The following WDFY2 variants were observed in gnomAD, a reference collection of about 807,000 sequenced individuals.
WDFY2 encodes WD repeat and FYVE domain containing 2.
A neutral mutation model predicts 56.4 loss-of-function variants in WDFY2; 36 were observed. The observed-to-expected ratio is 0.64, with a 90% CI of 0.49 to 0.84. The LOEUF is 0.84. Ranked by LOEUF, WDFY2 falls within the 40% of genes least tolerant of loss-of-function variation. The probability of loss-of-function intolerance (pLI) is 0.00; values close to 1 mark genes in which losing one functional copy is unlikely to be tolerated. For missense variants in WDFY2, 444 were observed against 512.2 expected (o/e 0.87, Z 1.29); for synonymous variants, 176 against 183.7 (o/e 0.96, Z 0.34).
chr13:51,713,169 A>C (rs900212108), intron 4 of WDFY2, among the ~76,000 whole-genome samples: 1 of 152,252 alleles, frequency 6.6e-6, no homozygotes, highest in African/African-American at 2.4e-5. Flanking sequence ...AAAATGATAC[A>C]AGTAAAGAAA....
chr13:51,711,930 A>C (rs570411154), intron 4 of WDFY2, among the ~76,000 whole-genome samples: 3 of 152,202 alleles, frequency 2.0e-5, no homozygotes. Flanking sequence ...CCCAGCCATT[A>C]CATTACTGGT....
rs1474932345 is a variant in WDFY2 at position 51,727,787 on chromosome 13, A to G, written c.595A>G (p.Thr199Ala). The change falls in exon 6 of 12, where the codon ACA (threonine) becomes GCA (alanine). Residue 199 changes from threonine to alanine, a missense_variant. Transcript: ENST00000298125. ...CCTGGTCACAACATTCAGAGGACAC[A>G]CAGGTAGGATTAACAGTAAAATCGT... ...CTLVTTFRGHTGGVTALCWDP... is the reference protein window; with the variant it reads ...CTLVTTFRGHAGGVTALCWDP... 6.2e-7 allele frequency: 1 copy of G among 1,613,896 alleles called. No homozygotes were observed. The highest frequency in any genetic ancestry group is 1.3e-5 in the African/African-American group (1 of 74,936).
intron 3 of WDFY2, among the ~76,000 whole-genome samples, chr13:51,694,523 C>G (rs1220655783): frequency 1.3e-5 from 2 of 152,242 alleles, no homozygotes; most frequent in Non-Finnish European, 2.9e-5. Flanking sequence ...CCAGCCTCTT[C>G]TGGCTTATAG....
At chr13:51,729,875 A>G (rs562691152) in intron 6 of WDFY2, among the ~76,000 whole-genome samples, 1 of 152,328 alleles carries the variant, frequency 6.6e-6, no homozygotes, top group East Asian at 1.9e-4. Context: ...GTGCTGTTCA[A>G]TGACATTAAC....
intron 4 of WDFY2, among the ~76,000 whole-genome samples, chr13:51,717,645 C>T (rs986469218): frequency 2.0e-5 from 3 of 152,040 alleles, no homozygotes; most frequent in Non-Finnish European, 4.4e-5. Context: ...CTTTTTATTC[C>T]ATCACTGATA....
intron 1 of WDFY2, chr13:51,593,852 T>C (rs1040616584): frequency 2.0e-5 from 3 of 152,224 alleles, no homozygotes; most frequent in African/African-American, 7.2e-5. Flanking sequence ...TGCCTTTTCA[T>C]TTTTTGTATA....
At chr13:51,663,022 C>T (rs765192169) in intron 2 of WDFY2, among the ~76,000 whole-genome samples, 16 of 152,120 alleles carry the variant, frequency 1.1e-4, no homozygotes, top group Non-Finnish European at 1.8e-4. Flanking sequence ...ATAGGCTGGG[C>T]GGGTTAGATC....
chr13:51,641,359 G>A (rs1955152937), intron 1 of WDFY2, among the ~76,000 whole-genome samples: 1 of 152,032 alleles, frequency 6.6e-6, no homozygotes, highest in East Asian at 2.0e-4. Context: ...GTGAGCCACC[G>A]CAGCCAGCCT....
Position 51,767,305 on chromosome 13 carries a change from A to T in WDFY2, c.*7536A>T, listed in dbSNP as rs1424459902. On this transcript the variant is annotated 3_prime_UTR_variant, in exon 12 of 12. Coordinates refer to ENST00000298125, the MANE Select transcript of WDFY2 (RefSeq NM_052950.4). ...TGCAGAAAAGGAGGCATGCAGTTAA[A>T]TGGAGCTGGTGCTTGCTTGATAGCG... 1.3e-5 allele frequency: 2 copies of T among 152,242 alleles called. No homozygotes were observed. Among genetic ancestry groups the T allele is most frequent in the Non-Finnish European group, 2.9e-5 (2 of 68,048 alleles). 9.4% of individuals were successfully genotyped at this position (152,242 alleles called of 1,614,324 possible).
chr13:51,759,597 T>A (rs1953515555), intron 11 of WDFY2, 143 bp from the exon 12 acceptor site: 3 of 634,826 alleles, frequency 4.7e-6, no homozygotes, highest in Admixed American at 3.2e-5. Context: ...ATGAAAAAAA[T>A]ATTTTACAGA....
chr13:51,750,049 G>A (rs1002820667), intron 7 of WDFY2, among the ~76,000 whole-genome samples: 2 of 152,164 alleles, frequency 1.3e-5, no homozygotes, highest in African/African-American at 4.8e-5. Context: ...AGAGAAAGAT[G>A]TAACATTTTA....
At chr13:51,622,579 C>T (rs143694832) in intron 1 of WDFY2, among the ~76,000 whole-genome samples, 63 of 152,294 alleles carry the variant, frequency 4.1e-4, no homozygotes, top group Non-Finnish European at 2.6e-4. Context: ...GGGCAGATTC[C>T]CTCTGTAAAA....
chr13:51,625,227 T>TATCC (rs1954817747), intron 1 of WDFY2, among the ~76,000 whole-genome samples: 1 of 152,228 alleles, frequency 6.6e-6, no homozygotes, highest in South Asian at 2.1e-4. Context: ...TATACTTTAA[T>TATCC]AGTTATTTCA....
At chr13:51,739,674 T>C (rs1294961418) in intron 7 of WDFY2, among the ~76,000 whole-genome samples, 1 of 152,210 alleles carries the variant, frequency 6.6e-6, no homozygotes, top group East Asian at 1.9e-4. Flanking sequence ...CCTTAAAGGA[T>C]AGATTTTAGG....
intron 1 of WDFY2, among the ~76,000 whole-genome samples, chr13:51,621,491 G>A (rs763302970): frequency 6.6e-6 from 1 of 152,124 alleles, no homozygotes; most frequent in Non-Finnish European, 1.5e-5. Flanking sequence ...GGCGACAAGA[G>A]TGAAACTTCG....
At chr13:51,727,463 G>C (rs900477020) in intron 5 of WDFY2, among the ~76,000 whole-genome samples, 3 of 152,072 alleles carry the variant, frequency 2.0e-5, no homozygotes, top group African/African-American at 4.8e-5. Flanking sequence ...TATTAATTTA[G>C]GAGCAAGAAG....
chr13:51,688,442 C>CAAAA (rs1044554722), intron 3 of WDFY2, among the ~76,000 whole-genome samples: 2 of 151,990 alleles, frequency 1.3e-5, no homozygotes, highest in Non-Finnish European at 2.9e-5. Context: ...TTGTGTGAGT[C>CAAAA]AAAAGATCAG....
intron 1 of WDFY2, among the ~76,000 whole-genome samples, chr13:51,606,089 T>C (rs935289674): frequency 6.6e-6 from 1 of 152,248 alleles, no homozygotes; most frequent in African/African-American, 2.4e-5. Flanking sequence ...ACTGACTAGC[T>C]GTGGGACTTC....
Position 51,692,771 on chromosome 13 carries a change from A to G in WDFY2, c.280-10825A>G, listed in dbSNP as rs201334407. ...TTGGAATAGTTTCAGAAGGAGTGGT[A>G]CCAGTTCCTCCTTGTACCGCTGGTA... On this transcript the variant is annotated intron_variant, in intron 3 of 11. Transcript: ENST00000298125. Among the ~76,000 whole-genome samples the G allele has an allele frequency of 2.4e-4, 36 of 152,316 alleles. No individual in the cohort carries two copies. The East Asian group carries it at 6.4e-3, about 27-fold the overall frequency.
Sources: allele counts gnomAD v4.1 joint callset (sites outside exome capture counted in the v4.1 genomes callset), GRCh38; gene constraint gnomAD v4.1.1; transcripts MANE v1.5; gene names NCBI Gene and HGNC (gene_info 2026-07-23, HGNC 2026-07-21).